The following NXPE2 variants were observed in gnomAD, a reference collection of about 807,000 sequenced individuals.
The protein encoded by NXPE2 is NXPE family member 2.
NXPE2 carries 34 observed loss-of-function variants against 34.4 expected under a neutral mutation model. The observed-to-expected ratio is 0.99, with a 90% CI of 0.75 to 1.31. The LOEUF (loss-of-function observed/expected upper bound fraction) is 1.31. Ranked by LOEUF, NXPE2 falls within the 40% of genes most tolerant of loss-of-function variation. The pLI is 0.00. For missense variants in NXPE2, 649 were observed against 672.5 expected (o/e 0.97, Z 0.39); for synonymous variants, 235 against 231.3 (o/e 1.02, Z -0.15).
chr11:114,465,191 A>G, the NXPE2 span, among the ~76,000 whole-genome samples: 1 of 152,226 alleles, frequency 6.6e-6, no homozygotes. Context: ...TTTAAAGTAG[A>G]GAAAATCTTA....
At chr11:114,532,614 A>T in the NXPE2 span, among the ~76,000 whole-genome samples, 2 of 152,154 alleles carry the variant, frequency 1.3e-5, no homozygotes, top group Non-Finnish European at 2.9e-5. Flanking sequence ...TAAGAATGGA[A>T]TATATTTTAT....
At chr11:114,488,374 G>A in the NXPE2 span, among the ~76,000 whole-genome samples, 1 of 151,806 alleles carries the variant, frequency 6.6e-6, no homozygotes, top group South Asian at 2.1e-4. Context: ...TATTTATTTA[G>A]GTCTTCTCTC....
the NXPE2 span, among the ~76,000 whole-genome samples, chr11:114,796,539 C>T: frequency 6.6e-6 from 1 of 152,150 alleles, no homozygotes; most frequent in Non-Finnish European, 1.5e-5. Flanking sequence ...TCTCTTGCAA[C>T]CCCCTTTCTG....
chr11:114,716,136 C>T, the NXPE2 span, among the ~76,000 whole-genome samples: 20 of 152,190 alleles, frequency 1.3e-4, no homozygotes, highest in Middle Eastern at 3.2e-3. Flanking sequence ...TGTACCCCCT[C>T]GGTTTTCATT....
At chr11:114,605,459 T>C in the NXPE2 span, among the ~76,000 whole-genome samples, 1 of 151,882 alleles carries the variant, frequency 6.6e-6, no homozygotes, top group East Asian at 1.9e-4. Context: ...GGATAACAAC[T>C]GTTGCCTTTG....
chr11:114,695,638 A>C (rs576948528), intron 2 of NXPE2, among the ~76,000 whole-genome samples: 1 of 152,260 alleles, frequency 6.6e-6, no homozygotes. Context: ...TATCAATAGA[A>C]CACTAAATAT....
At chr11:114,759,522 T>C in the NXPE2 span, among the ~76,000 whole-genome samples, 1 of 152,248 alleles carries the variant, frequency 6.6e-6, no homozygotes, top group Non-Finnish European at 1.5e-5. Flanking sequence ...TTAGCTATTA[T>C]TATTCTCCTT....
the NXPE2 span, among the ~76,000 whole-genome samples, chr11:114,507,247 C>CAAACA: frequency 6.6e-5 from 6 of 91,418 alleles, no homozygotes; most frequent in African/African-American, 2.3e-4. Context: ...GCCAACCAAC[C>CAAACA]AAAAAAAAAA....
the NXPE2 span, among the ~76,000 whole-genome samples, chr11:114,630,083 A>G: frequency 6.6e-6 from 1 of 151,744 alleles, no homozygotes; most frequent in Non-Finnish European, 1.5e-5. Flanking sequence ...TATCGTGAAA[A>G]TGGCCATACT....
At chr11:114,769,928 T>C in the NXPE2 span, among the ~76,000 whole-genome samples, 1 of 152,190 alleles carries the variant, frequency 6.6e-6, no homozygotes, top group African/African-American at 2.4e-5. Context: ...ACCTGCACGT[T>C]CTGCACATGT....
chr11:114,535,245 A>C, the NXPE2 span, among the ~76,000 whole-genome samples: 3 of 152,230 alleles, frequency 2.0e-5, no homozygotes, highest in Admixed American at 2.0e-4. Context: ...AGATTTTGTC[A>C]CCACCAGGCC....
the NXPE2 span, among the ~76,000 whole-genome samples, chr11:114,795,892 G>A: frequency 3.3e-5 from 5 of 152,230 alleles, no homozygotes; most frequent in East Asian, 3.8e-4. Context: ...TAGGTTCACC[G>A]TGGGTAGAGG....
the NXPE2 span, among the ~76,000 whole-genome samples, chr11:114,652,261 T>C: frequency 6.6e-6 from 1 of 152,178 alleles, no homozygotes; most frequent in African/African-American, 2.4e-5. Flanking sequence ...TTTATGGACA[T>C]TGAGCATCTG....
At chr11:114,528,289 C>T in the NXPE2 span, among the ~76,000 whole-genome samples, 1 of 151,992 alleles carries the variant, frequency 6.6e-6, no homozygotes, top group Non-Finnish European at 1.5e-5. Context: ...CAGTTTTATC[C>T]CACCTAAATT....
the NXPE2 span, among the ~76,000 whole-genome samples, chr11:114,547,510 T>C: frequency 6.6e-6 from 1 of 151,974 alleles, no homozygotes; most frequent in East Asian, 1.9e-4. Context: ...TGAGGCAGGT[T>C]GATCACTTGA....
At chr11:114,478,199 T>A in the NXPE2 span, among the ~76,000 whole-genome samples, 1 of 152,022 alleles carries the variant, frequency 6.6e-6, no homozygotes, top group Admixed American at 6.6e-5. Flanking sequence ...AAAGGAATAA[T>A]AGTACTTCTC....
the NXPE2 span, among the ~76,000 whole-genome samples, chr11:114,802,688 T>C: frequency 6.6e-6 from 1 of 152,206 alleles, no homozygotes; most frequent in South Asian, 2.1e-4. Context: ...CTTTTGAAAT[T>C]TGAGTCTAAT....
chr11:114,546,057 AGT>A, the NXPE2 span, among the ~76,000 whole-genome samples: 1 of 152,208 alleles, frequency 6.6e-6, no homozygotes, highest in Non-Finnish European at 1.5e-5. Flanking sequence ...GGTAGAACAC[AGT>A]GTTTTAACTG....
At chr11:114,624,897 G>T in the NXPE2 span, among the ~76,000 whole-genome samples, 189 of 150,722 alleles carry the variant, frequency 1.3e-3, no homozygotes, top group African/African-American at 4.4e-3. Context: ...GATAATAAGT[G>T]TGGCCTCATG....
Sources: allele counts gnomAD v4.1 joint callset (sites outside exome capture counted in the v4.1 genomes callset), GRCh38; gene constraint gnomAD v4.1.1; transcripts MANE v1.5; gene names NCBI Gene and HGNC (gene_info 2026-07-23, HGNC 2026-07-21).